Variants in CLCN3 observed in about 807,000 individuals in gnomAD.
The protein encoded by CLCN3 is H(+)/Cl(-) exchange transporter 3.
A neutral mutation model predicts 83.4 loss-of-function variants in CLCN3; 16 were observed. The observed-to-expected ratio is 0.19, with a 90% CI of 0.13 to 0.29. The LOEUF is 0.29. Among genes scored for constraint, CLCN3 ranks in the 10% least tolerant of loss-of-function variants. CLCN3 has a pLI of 1.00. For synonymous variants in CLCN3, 322 were observed against 346.2 expected (o/e 0.93, Z 0.78); for missense variants, 544 against 1,006.0 (o/e 0.54, Z 6.21).
At chr4:169,656,421 A>G (rs1730886661) in intron 2 of CLCN3, among the ~76,000 whole-genome samples, 1 of 152,054 alleles carries the variant, frequency 6.6e-6, no homozygotes, top group African/African-American at 2.4e-5. Flanking sequence ...TCTCATGAGT[A>G]CTCTATAATG....
intron 2 of CLCN3, among the ~76,000 whole-genome samples, chr4:169,655,377 T>C (rs1269232467): frequency 6.6e-6 from 1 of 152,246 alleles, no homozygotes; most frequent in Non-Finnish European, 1.5e-5. Flanking sequence ...TTAGTCTTTA[T>C]ATTAGCTTAT....
chr4:169,658,023 G>T (rs1581214313), intron 2 of CLCN3, among the ~76,000 whole-genome samples: 2 of 152,018 alleles, frequency 1.3e-5, no homozygotes, highest in African/African-American at 2.4e-5. Context: ...GGCAGTTGTG[G>T]ACCCCATAAA....
chr4:169,643,091 T>C (rs981810853), intron 2 of CLCN3: 4 of 152,198 alleles, frequency 2.6e-5, no homozygotes, highest in African/African-American at 9.6e-5. Context: ...GAGTATATTA[T>C]TTACATTTAG....
chr4:169,697,188 G>T lies in CLCN3; in HGVS notation c.1018-1G>T. The T allele has an allele frequency of 5.8e-6, 9 of 1,545,882 alleles. No individual in the cohort carries two copies. The highest frequency in any genetic ancestry group is 1.4e-5 in the African/African-American group (1 of 71,430). The stretch of plus-strand genomic sequence containing the variant: ...TTTTCTTTTCCTTTTCTTTTTTTTA[G>T]GTTAGCTATTATTTTCCTCTCAAAA... On this transcript the variant is annotated splice_acceptor_variant, in intron 8 of 12. Transcript: ENST00000513761. LOFTEE classifies it high-confidence loss of function.
intron 2 of CLCN3, among the ~76,000 whole-genome samples, chr4:169,647,766 C>G (rs1730617328): frequency 6.6e-6 from 1 of 152,186 alleles, no homozygotes; most frequent in South Asian, 2.1e-4. Context: ...TGTACCCATT[C>G]CATTCTATGG....
chr4:169,626,289 G>A (rs1470243737), intron 1 of CLCN3, among the ~76,000 whole-genome samples: 1 of 152,214 alleles, frequency 6.6e-6, no homozygotes, highest in African/African-American at 2.4e-5. Context: ...TTCCCATGGT[G>A]CGCCACCTTC....
chr4:169,662,629 G>A (rs988500372), intron 2 of CLCN3: 2 of 152,094 alleles, frequency 1.3e-5, no homozygotes, highest in African/African-American at 4.8e-5. Context: ...AAGTAAACAT[G>A]GATCTGTTTA....
chr4:169,676,029 T>C (rs555298065), intron 2 of CLCN3, among the ~76,000 whole-genome samples: 3 of 152,344 alleles, frequency 2.0e-5, no homozygotes, highest in African/African-American at 7.2e-5. Flanking sequence ...CTTTTGACAA[T>C]TGTAATCCCC....
chr4:169,649,295 A>C (rs1379978335), intron 2 of CLCN3, among the ~76,000 whole-genome samples: 2 of 152,232 alleles, frequency 1.3e-5, no homozygotes, highest in African/African-American at 4.8e-5. Context: ...CAAGGTCTAA[A>C]TAATACATGT....
chr4:169,697,928 C>T (rs1732630107), intron 9 of CLCN3, among the ~76,000 whole-genome samples, 194 bp downstream of exon 9: 1 of 151,846 alleles, frequency 6.6e-6, no homozygotes, highest in African/African-American at 2.4e-5. Flanking sequence ...AACAAATTAC[C>T]CCCCAAAACT....
intron 2 of CLCN3, among the ~76,000 whole-genome samples, chr4:169,666,941 C>T (rs2150225230): frequency 6.6e-6 from 1 of 152,276 alleles, no homozygotes; most frequent in Middle Eastern, 3.4e-3. Context: ...TTAAAATTAG[C>T]TGTTCTTACT....
At chr4:169,674,714 T>A (rs1186892734) in intron 2 of CLCN3, among the ~76,000 whole-genome samples, 1 of 152,166 alleles carries the variant, frequency 6.6e-6, no homozygotes, top group Non-Finnish European at 1.5e-5. Context: ...CTGAAATCAG[T>A]GTGCCACTCT....
At position 169,704,084 on chromosome 4, in the gene CLCN3, C is replaced by T; in HGVS notation, c.1650C>T (p.Tyr550=). ...IVGIAVEQLA[Y]YHHDWFIFKE... ...GGATTGCGGTGGAGCAGCTTGCCTA[C>T]TATCACCACGACTGGTTTATCTTTA... The change falls in exon 10 of 13, where the codon TAC becomes TAT. Residue 550 remains tyrosine, a synonymous_variant. Coordinates refer to ENST00000513761, the MANE Select transcript of CLCN3 (RefSeq NM_001829.4). 6.2e-7 allele frequency: 1 copy of T among 1,614,048 alleles called. No homozygotes were observed. Among genetic ancestry groups the T allele is most frequent in the Non-Finnish European group, 8.5e-7 (1 of 1,179,986 alleles).
chr4:169,708,476 T>C (rs1333352616), intron 11 of CLCN3, among the ~76,000 whole-genome samples: 1 of 152,238 alleles, frequency 6.6e-6, no homozygotes, highest in African/African-American at 2.4e-5. Flanking sequence ...TATTTTGTCA[T>C]GCTTGGCTCC....
intron 2 of CLCN3, among the ~76,000 whole-genome samples, chr4:169,676,178 G>T (rs912896826): frequency 1.3e-5 from 2 of 152,032 alleles, no homozygotes; most frequent in African/African-American, 4.8e-5. Flanking sequence ...TTTAAAAACT[G>T]CAATTTATTA....
At position 169,635,963 on chromosome 4, in the gene CLCN3, A is replaced by C. The variant is rs938710480; in HGVS notation, c.35A>C (p.Tyr12Ser). Reference protein sequence around the residue: ...ESEQLFHRGYYRNSYNSITSA... With the variant: ...ESEQLFHRGYSRNSYNSITSA... ...GAGCAGCTGTTCCATAGAGGCTACTATAGAAACAGCTACAACAGTATAACA... is the reference window on the plus strand; with the variant it reads ...GAGCAGCTGTTCCATAGAGGCTACTCTAGAAACAGCTACAACAGTATAACA... The change falls in exon 2 of 13, where the codon TAT (tyrosine) becomes TCT (serine). Residue 12 changes from tyrosine to serine, a missense_variant. By Grantham distance (144) the Tyr-to-Ser change is moderately radical (BLOSUM62 -2). Coordinates refer to ENST00000513761, the MANE Select transcript of CLCN3 (RefSeq NM_001829.4). The C allele has an allele frequency of 6.2e-7, 1 of 1,612,044 alleles. No homozygotes were observed.
At chr4:169,679,558 G>GT (rs1366854973) in intron 2 of CLCN3, among the ~76,000 whole-genome samples, 1 of 152,264 alleles carries the variant, frequency 6.6e-6, no homozygotes, top group East Asian at 1.9e-4. Flanking sequence ...GGTGGAGGTT[G>GT]TAGCGAGCCG....
At chr4:169,697,759 T>C (rs1434894681) in intron 9 of CLCN3, 25 bp downstream of exon 9, 1 of 1,506,252 alleles carries the variant, frequency 6.6e-7, no homozygotes, top group East Asian at 2.3e-5. Context: ...GAGGTGATAT[T>C]TGGGTAATTT....
At chr4:169,707,421 T>C (rs926307254) in intron 11 of CLCN3, among the ~76,000 whole-genome samples, 155 bp downstream of exon 11, 2 of 152,152 alleles carry the variant, frequency 1.3e-5, no homozygotes, top group African/African-American at 2.4e-5. Flanking sequence ...AAGGAAGGTA[T>C]GCTTCAGTGG....
Sources: allele counts gnomAD v4.1 joint callset (sites outside exome capture counted in the v4.1 genomes callset), GRCh38; gene constraint gnomAD v4.1.1; transcripts MANE v1.5; gene names NCBI Gene and HGNC (gene_info 2026-07-23, HGNC 2026-07-21).